HDAC9: variants seen among roughly 807,000 people sequenced by gnomAD.
The protein encoded by HDAC9 is MEF-2 interacting transcription repressor (MITR) protein.
In HDAC9, 41 loss-of-function variants were observed where a neutral mutation model predicts 139.4. That is an observed-to-expected ratio of 0.29 (90% CI 0.23 to 0.38). The LOEUF is 0.38. Among genes scored for constraint, HDAC9 ranks in the 10% least tolerant of loss-of-function variants. HDAC9 has a pLI of 1.00. For synonymous variants in HDAC9, 517 were observed against 476.2 expected (o/e 1.09, Z -1.12); for missense variants, 1,147 against 1,297.0 (o/e 0.88, Z 1.78).
At chr7:18,516,647 G>T (rs865953811) in intron 2 of HDAC9, among the ~76,000 whole-genome samples, 24 of 152,192 alleles carry the variant, frequency 1.6e-4, no homozygotes, top group Middle Eastern at 3.4e-3. Context: ...ATCACCTGAG[G>T]TCAGGAGTTT....
intron 2 of HDAC9, among the ~76,000 whole-genome samples, chr7:18,504,046 G>A (rs1799095861): frequency 6.6e-6 from 1 of 152,162 alleles, no homozygotes; most frequent in Non-Finnish European, 1.5e-5. Flanking sequence ...TAGTAAAAAT[G>A]TGTTTACCCA....
intron 1 of HDAC9, among the ~76,000 whole-genome samples, chr7:18,353,319 C>T (rs1562907760): frequency 6.6e-6 from 1 of 151,684 alleles, no homozygotes; most frequent in Non-Finnish European, 1.5e-5. Context: ...AGGGGGATAC[C>T]GTATTTAAAG....
chr7:18,709,203 C>A (rs1344555229), intron 12 of HDAC9, among the ~76,000 whole-genome samples: 1 of 152,032 alleles, frequency 6.6e-6, no homozygotes, highest in Non-Finnish European at 1.5e-5. Flanking sequence ...CTCTCTACCT[C>A]CCCAGCAGGC....
At chr7:18,507,384 G>A (rs1361862161) in intron 2 of HDAC9, among the ~76,000 whole-genome samples, 6 of 151,290 alleles carry the variant, frequency 4.0e-5, no homozygotes, top group South Asian at 2.1e-4. Flanking sequence ...TAGTAGAGAC[G>A]GGGTTTCACC....
intron 22 of HDAC9, among the ~76,000 whole-genome samples, chr7:18,905,956 A>C (rs538842765): frequency 1.8e-4 from 18 of 98,310 alleles, no homozygotes; most frequent in African/African-American, 2.4e-4. Flanking sequence ...TCTTTCCTTC[A>C]TTCCTTCCTT....
At chr7:18,651,387 C>A (rs1789217729) in intron 11 of HDAC9, among the ~76,000 whole-genome samples, 1 of 152,032 alleles carries the variant, frequency 6.6e-6, no homozygotes, top group South Asian at 2.1e-4. Flanking sequence ...AATATATCTT[C>A]TTTTATTTCC....
At position 18,629,519 on chromosome 7, in the gene HDAC9, T is replaced by A. The variant is rs1431216557; in HGVS notation, c.796+38T>A. On this transcript the variant is annotated intron_variant, in intron 7 of 25. Transcript: ENST00000686413. Reference sequence around the variant, plus strand: ...TGGGCAGACCTATGAATGCTGGGAGTAGGAATGAAAAAAAAATAGTTTAGA... The same window carrying A: ...TGGGCAGACCTATGAATGCTGGGAGAAGGAATGAAAAAAAAATAGTTTAGA... The A allele has an allele frequency of 3.2e-6, 5 of 1,564,936 alleles. No individual in the cohort carries two copies. In the Admixed American group the frequency reaches 5.9e-5, roughly 18 times the overall value.
intron 2 of HDAC9, among the ~76,000 whole-genome samples, chr7:18,244,841 C>T (rs545870972): frequency 2.1e-5 from 3 of 140,416 alleles, no homozygotes; most frequent in Non-Finnish European, 4.7e-5. Flanking sequence ...AATAATGTTG[C>T]AATAGCTAAA....
chr7:18,794,336 A>G (rs1425327213), intron 17 of HDAC9, among the ~76,000 whole-genome samples: 23 of 152,068 alleles, frequency 1.5e-4, no homozygotes, highest in Non-Finnish European at 1.5e-5. Flanking sequence ...AAATGTAATT[A>G]GGATTACTTT....
At chr7:18,819,128 AAATT>A (rs1219449368) in intron 17 of HDAC9, among the ~76,000 whole-genome samples, 1 of 152,110 alleles carries the variant, frequency 6.6e-6, no homozygotes, top group African/African-American at 2.4e-5. Flanking sequence ...AAAAATACAA[AAATT>A]AGACAGGCTT....
chr7:18,881,554 T>C (rs1799739051), intron 22 of HDAC9, among the ~76,000 whole-genome samples: 1 of 152,094 alleles, frequency 6.6e-6, no homozygotes, highest in Admixed American at 6.6e-5. Context: ...ACTAATGACT[T>C]TTTACTAATG....
At chr7:18,192,626 T>C (rs1418008398) in intron 2 of HDAC9, among the ~76,000 whole-genome samples, 1 of 152,176 alleles carries the variant, frequency 6.6e-6, no homozygotes, top group Admixed American at 6.6e-5. Context: ...GGATGGTAGG[T>C]ATTTTTAGAA....
At chr7:18,284,564 A>C (rs1446315729) in intron 2 of HDAC9, among the ~76,000 whole-genome samples, 3 of 152,152 alleles carry the variant, frequency 2.0e-5, no homozygotes. Context: ...ATATCGTGTT[A>C]GTCTTTGGTT....
intron 22 of HDAC9, among the ~76,000 whole-genome samples, chr7:18,886,534 G>C (rs1800168221): frequency 6.6e-6 from 1 of 152,006 alleles, no homozygotes. Context: ...GATTGAGGCT[G>C]TTTTTTTAAT....
intron 1 of HDAC9, among the ~76,000 whole-genome samples, chr7:18,143,645 G>A (rs546194015): frequency 3.3e-5 from 5 of 152,116 alleles, no homozygotes; most frequent in South Asian, 4.2e-4. Context: ...AATTAGCTAG[G>A]CGTGGTGGCG....
intron 2 of HDAC9, among the ~76,000 whole-genome samples, chr7:18,583,490 AGGAG>A (rs1828455956): frequency 6.6e-6 from 1 of 152,110 alleles, no homozygotes; most frequent in Non-Finnish European, 1.5e-5. Flanking sequence ...GAGCTCAGGC[AGGAG>A]GATCACTTGA....
chr7:18,786,140 C>T (rs1049783105), intron 16 of HDAC9, among the ~76,000 whole-genome samples: 3 of 152,044 alleles, frequency 2.0e-5, no homozygotes, highest in Middle Eastern at 3.2e-3. Context: ...AATCATGTTT[C>T]TGCTATTCAT....
chr7:18,591,040 G>T (rs1452864430), intron 4 of HDAC9, among the ~76,000 whole-genome samples: 1 of 152,124 alleles, frequency 6.6e-6, no homozygotes, highest in East Asian at 1.9e-4. Context: ...GGAATTGTCA[G>T]CAATATTTAT....
chr7:18,994,420 C>G (rs1483684335), intron 25 of HDAC9, among the ~76,000 whole-genome samples: 3 of 152,124 alleles, frequency 2.0e-5, no homozygotes, highest in African/African-American at 7.2e-5. Context: ...ATAGAAAAGA[C>G]TTTTCTGAAG....
Sources: allele counts gnomAD v4.1 joint callset (sites outside exome capture counted in the v4.1 genomes callset), GRCh38; gene constraint gnomAD v4.1.1; transcripts MANE v1.5; gene names NCBI Gene and HGNC (gene_info 2026-07-23, HGNC 2026-07-21).